SCN3A: variants seen among roughly 807,000 people sequenced by gnomAD.
SCN3A encodes the protein sodium channel protein type 3 subunit alpha.
A neutral mutation model predicts 187.6 loss-of-function variants in SCN3A; 60 were observed. The observed-to-expected ratio is 0.32, with a 90% CI of 0.26 to 0.40. SCN3A has a LOEUF of 0.40. SCN3A is among the 10% of genes least tolerant of loss of function. The pLI is 1.00. For missense variants in SCN3A, 1,601 were observed against 2,428.2 expected, an observed-to-expected ratio of 0.66 and a Z score of 7.16; for synonymous variants, 788 against 829.2, an observed-to-expected ratio of 0.95 and a Z score of 0.85.
intron 18 of SCN3A, among the ~76,000 whole-genome samples, chr2:165,119,052 G>A (rs1412254009): frequency 6.6e-6 from 1 of 152,158 alleles, no homozygotes; most frequent in Non-Finnish European, 1.5e-5. Context: ...GTGAGCCACC[G>A]TGCCTGGCCC....
chr2:165,133,625 T>A (rs1559214503), intron 15 of SCN3A, among the ~76,000 whole-genome samples: 2 of 150,994 alleles, frequency 1.3e-5, no homozygotes, highest in Non-Finnish European at 2.9e-5. Flanking sequence ...ATTACAAGCA[T>A]GAGCCAACAC....
In SCN3A at chr2:165,146,628, C is replaced by T. The variant is rs939979537; in HGVS notation, c.1671+111G>A. On this transcript the variant is annotated intron_variant, in intron 12 of 27. Coordinates refer to ENST00000283254, the MANE Select transcript of SCN3A (RefSeq NM_006922.4). ...TAAACAACTATATTAAATGTTAGTT[C>T]CCTGTCCCTCACTGAAGTCAGATAG... 19 of 1,088,060 alleles carry T rather than the reference C, an allele frequency of 1.7e-5. No homozygotes were observed. The Middle Eastern group carries it at 1.1e-3, about 60-fold the overall frequency. The allele number at this position is 1,088,060 out of a possible 1,614,324, so 67.4% of individuals were successfully genotyped here.
chr2:165,184,675 A>G (rs1691113592), intron 2 of SCN3A, among the ~76,000 whole-genome samples: 1 of 152,226 alleles, frequency 6.6e-6, no homozygotes, highest in Non-Finnish European at 1.5e-5. Context: ...CCTTATCTTT[A>G]TTTCCACATA....
intron 18 of SCN3A, among the ~76,000 whole-genome samples, chr2:165,121,959 G>T (rs1686701429): frequency 6.6e-6 from 1 of 152,040 alleles, no homozygotes; most frequent in Non-Finnish European, 1.5e-5. Context: ...GAACATTTAG[G>T]GAGAAATTAA....
intron 1 of SCN3A, among the ~76,000 whole-genome samples, chr2:165,193,287 A>C (rs1353148618): frequency 6.6e-6 from 1 of 152,152 alleles, no homozygotes; most frequent in Non-Finnish European, 1.5e-5. Flanking sequence ...TTATGTAGTC[A>C]GGTTGCTGCT....
chr2:165,096,563 T>G, intron 23 of SCN3A, 43 bp from the exon 24 acceptor site: 1 of 1,415,912 alleles, frequency 7.1e-7, no homozygotes, highest in East Asian at 2.3e-5. Flanking sequence ...AAATTTCACC[T>G]AACAATGACA....
intron 10 of SCN3A, among the ~76,000 whole-genome samples, chr2:165,155,504 A>T (rs934372963): frequency 2.4e-4 from 36 of 151,674 alleles, no homozygotes; most frequent in African/African-American, 8.7e-4. Context: ...GGCTTGGGTG[A>T]TCCTCCCACC....
chr2:165,162,266 G>C, intron 9 of SCN3A, 42 bp downstream of exon 9: 3 of 1,504,692 alleles, frequency 2.0e-6, no homozygotes, highest in South Asian at 2.4e-5. Flanking sequence ...TTTTTTTTTC[G>C]CAAAGAGTTC....
At position 165,090,446 on chromosome 2, in the gene SCN3A, A is replaced by T. The variant is rs1248527576; in HGVS notation, c.5707T>A (p.Ser1903Thr). ...AAATTACGCTGAATGATAGCGGCAG[A>T]CACCTCCTCTTGTTTACGTTTCAAA... ...TTLKRKQEEV[S>T]AAIIQRNFRC... The change falls in exon 28 of 28, where the codon TCT becomes ACT. Residue 1903 changes from serine (S) to threonine (T), a missense_variant. Around this residue, in one of 11 missense-constraint regions of SCN3A, gnomAD observed 110 missense variants for 175.9 expected, o/e 0.63. Transcript: ENST00000283254. The surrounding 1 kb of genome is among the most constrained non-coding windows in gnomAD (Gnocchi z 4.0). 3.7e-6 allele frequency: 6 copies of T among 1,613,890 alleles called. No individual in the cohort carries two copies. In the East Asian group the frequency reaches 1.1e-4, roughly 30 times the overall value.
At chr2:165,109,419 AAT>A in intron 21 of SCN3A, among the ~76,000 whole-genome samples, 1 of 152,302 alleles carries the variant, frequency 6.6e-6, no homozygotes, top group African/African-American at 2.4e-5. Flanking sequence ...ATCTCAAATG[AAT>A]ATATATCAAA....
chr2:165,153,878 C>G (rs1559237674), intron 11 of SCN3A, among the ~76,000 whole-genome samples: 1 of 151,612 alleles, frequency 6.6e-6, no homozygotes. Context: ...ACATTAATGT[C>G]CCATTCACTA....
intron 5 of SCN3A, among the ~76,000 whole-genome samples, chr2:165,167,379 T>A (rs1689835387): frequency 1.3e-5 from 2 of 151,990 alleles, no homozygotes; most frequent in African/African-American, 4.8e-5. Context: ...TATTTTTTTT[T>A]AAATAACATG....
At chr2:165,123,944 C>T (rs1215525854) in intron 18 of SCN3A, among the ~76,000 whole-genome samples, 1 of 151,948 alleles carries the variant, frequency 6.6e-6, no homozygotes, top group Non-Finnish European at 1.5e-5. Context: ...ATTCATTTTA[C>T]CAAATCATTC....
rs1287921300 is a variant in SCN3A at position 165,187,229 on chromosome 2, T to C, written c.-247-482A>G. Among the ~76,000 whole-genome samples, 4 of 152,318 alleles carry C rather than the reference T, an allele frequency of 2.6e-5. 1 individual carries two copies. In the East Asian group the frequency reaches 5.8e-4, roughly 22 times the overall value. On this transcript the variant is annotated intron_variant, in intron 1 of 27. Coordinates refer to ENST00000283254, the MANE Select transcript of SCN3A (RefSeq NM_006922.4). The stretch of plus-strand genomic sequence containing the variant: ...CACCTAAAACCCAGTTTGATTGGCT[T>C]ACTAAAATAAGATAAATAAACCTAT...
intron 9 of SCN3A, among the ~76,000 whole-genome samples, chr2:165,161,728 G>A (rs1405982066): frequency 6.6e-6 from 1 of 152,158 alleles, no homozygotes; most frequent in African/African-American, 2.4e-5. Flanking sequence ...AGATATTATG[G>A]CATCTTTTGT....
intron 11 of SCN3A, among the ~76,000 whole-genome samples, chr2:165,150,328 A>G (rs1468196413): frequency 6.6e-6 from 1 of 152,160 alleles, no homozygotes; most frequent in Non-Finnish European, 1.5e-5. Flanking sequence ...GAAGAGTCGT[A>G]GGTGGTTAGG....
chr2:165,165,153 T>G (rs1406758008), intron 5 of SCN3A, among the ~76,000 whole-genome samples: 1 of 152,032 alleles, frequency 6.6e-6, no homozygotes, highest in African/African-American at 2.4e-5. Flanking sequence ...ATATATTTCT[T>G]TTTTTTCAAT....
rs1314101023 is a variant in SCN3A at position 165,089,837 on chromosome 2, G to A, written c.*313C>T. 1 of 360,054 alleles carries A rather than the reference G, an allele frequency of 2.8e-6. No homozygotes were observed. The highest frequency in any genetic ancestry group is 5.1e-6 in the Non-Finnish European group (1 of 194,654). 22.3% of individuals were successfully genotyped at this position (360,054 alleles called of 1,614,324 possible). ...TAAAAATAGAATGGATGCAAGGACT[G>A]TACTAAAGGTGTTTGGTGTAGTTAC... On this transcript the variant is annotated 3_prime_UTR_variant, in exon 28 of 28. Coordinates refer to ENST00000283254, the MANE Select transcript of SCN3A (RefSeq NM_006922.4).
intron 15 of SCN3A, among the ~76,000 whole-genome samples, chr2:165,135,127 G>A (rs1302365690): frequency 6.6e-6 from 1 of 152,016 alleles, no homozygotes; most frequent in African/African-American, 2.4e-5. Flanking sequence ...AGTTGGAAAT[G>A]TTTGTTATGA....
Sources: gnomAD v4.1 joint callset for allele counts (sites outside exome capture counted in the v4.1 genomes callset) on GRCh38, gnomAD v4.1.1 for gene constraint, gnomAD v4.1.1 regional missense constraint, Gnocchi (gnomAD v3.1) non-coding constraint, MANE v1.5 for transcripts, NCBI Gene and HGNC (gene_info 2026-07-23, HGNC 2026-07-21) for gene names.